NCAPD3: variants seen among roughly 807,000 people sequenced by gnomAD.
NCAPD3 encodes condensin-2 complex subunit D3.
Under a neutral mutation model 182.9 loss-of-function variants are expected in NCAPD3, and 105 were observed. That is an observed-to-expected ratio of 0.57 (90% CI 0.49 to 0.68). The LOEUF is 0.68. Ranked by LOEUF, NCAPD3 falls within the 30% of genes least tolerant of loss-of-function variation. The pLI, the probability that NCAPD3 is intolerant of heterozygous loss-of-function variation, is 0.00. For missense variants in NCAPD3, 1,944 were observed against 1,837.0 expected (o/e 1.06, Z -1.07); for synonymous variants, 815 against 679.9 (o/e 1.20, Z -3.09).
At chr11:134,222,404 C>CA (rs1176960777) in intron 1 of NCAPD3, among the ~76,000 whole-genome samples, 2 of 151,972 alleles carry the variant, frequency 1.3e-5, no homozygotes, top group East Asian at 1.9e-4. Context: ...CTTAGGATAC[C>CA]AAAAAAAGCA....
chr11:134,188,591 C>G (rs1422907608), intron 16 of NCAPD3, among the ~76,000 whole-genome samples: 1 of 152,072 alleles, frequency 6.6e-6, no homozygotes, highest in Non-Finnish European at 1.5e-5. Flanking sequence ...CCAGGAGGAA[C>G]AAACAACTCC....
At chr11:134,223,363 A>C (rs75634068) in intron 1 of NCAPD3, 35,531 of 694,696 alleles carry the variant, frequency 0.051, 1,142 homozygotes, top group Non-Finnish European at 0.061. Context: ...TGAAAGGGGA[A>C]GCAGAAATGC....
At chr11:134,178,017 TTAA>T (rs1249584395) in intron 22 of NCAPD3, 1 of 152,100 alleles carries the variant, frequency 6.6e-6, no homozygotes, top group Non-Finnish European at 1.5e-5. Context: ...TACAAAAAAA[TTAA>T]TAACTTAGGT....
At chr11:134,162,421 A>G (rs1464875795) in intron 27 of NCAPD3, among the ~76,000 whole-genome samples, 1 of 152,178 alleles carries the variant, frequency 6.6e-6, no homozygotes, top group Non-Finnish European at 1.5e-5. Flanking sequence ...ATAGTACCTG[A>G]TTTGACCAAG....
At chr11:134,165,493 G>C (rs1943750045) in intron 27 of NCAPD3, among the ~76,000 whole-genome samples, 1 of 141,782 alleles carries the variant, frequency 7.1e-6, no homozygotes, top group South Asian at 2.4e-4. Context: ...TGGCACACTT[G>C]TGAGATGAGC....
chr11:134,201,212 C>T (rs1011287472), intron 13 of NCAPD3, among the ~76,000 whole-genome samples: 3 of 151,738 alleles, frequency 2.0e-5, no homozygotes, highest in Non-Finnish European at 4.4e-5. Flanking sequence ...TTAGTAGAGA[C>T]GGGGTTTCAC....
At chr11:134,225,333 A>T (rs1181328153), upstream of NCAPD3, 3 of 1,612,778 alleles carry the variant, frequency 1.9e-6, no homozygotes. Context: ...GATCGAGTTC[A>T]TCGGGCAGAT....
intron 28 of NCAPD3, among the ~76,000 whole-genome samples, chr11:134,160,351 C>G (rs1274886753): frequency 1.3e-5 from 2 of 152,126 alleles, no homozygotes; most frequent in African/African-American, 4.8e-5. Flanking sequence ...ACTGGCCACA[C>G]AAGCAGAAAA....
chr11:134,220,579 G>C lies in NCAPD3; in HGVS notation c.212C>G (p.Ser71Cys), dbSNP rs760924461. The C allele has an allele frequency of 1.2e-6, 2 of 1,612,124 alleles. No individual in the cohort carries two copies. The highest frequency in any genetic ancestry group is 1.1e-5 in the South Asian group (1 of 90,882). The change falls in exon 2 of 35, where the codon TCT becomes TGT. Residue 71 changes from serine to cysteine, a missense_variant. Coordinates refer to ENST00000534548, the MANE Select transcript of NCAPD3 (RefSeq NM_015261.3). ...LLPFATGEHGSMESIWTFFIE... is the reference protein window; with the variant it reads ...LLPFATGEHGCMESIWTFFIE... ...TTGTTTTTATATTTTTACCTCCATA[G>C]ATCCATGTTCTCCAGTAGCAAAGGG...
intron 32 of NCAPD3, among the ~76,000 whole-genome samples, chr11:134,156,450 G>A (rs1312793542): frequency 6.6e-6 from 1 of 152,174 alleles, no homozygotes; most frequent in African/African-American, 2.4e-5. Context: ...GACACAATAT[G>A]AAGCTATCAC....
Position 134,220,597 on chromosome 11 carries a change from G to T in NCAPD3, c.194C>A (p.Ala65Asp), listed in dbSNP as rs529148447. ...CTCCATAGATCCATGTTCTCCAGTA[G>T]CAAAGGGTAAAAGGCTTTCATAGAG... Reference protein sequence around the residue: ...TKLYESLLPFATGEHGSMESI... With the variant: ...TKLYESLLPFDTGEHGSMESI... Residue 65 changes from alanine (A) to aspartate (D), a missense_variant, in exon 2 of 35, where the codon GCT (alanine) becomes GAT (aspartate). Physicochemically the swap from Ala to Asp is moderately radical, Grantham distance 126. This residue lies in a region of NCAPD3 where 131 missense variants were observed against 133.9 expected (regional missense o/e 0.98). Coordinates refer to ENST00000534548, the MANE Select transcript of NCAPD3 (RefSeq NM_015261.3). 6.2e-7 allele frequency: 1 copy of T among 1,613,702 alleles called. No individual in the cohort carries two copies. Among genetic ancestry groups the T allele is most frequent in the Non-Finnish European group, 8.5e-7 (1 of 1,179,694 alleles).
At chr11:134,153,444 G>T (rs1279385133) in intron 32 of NCAPD3, 81 bp from the exon 33 acceptor site, 3 of 1,411,348 alleles carry the variant, frequency 2.1e-6, no homozygotes, top group Non-Finnish European at 2.0e-6. Flanking sequence ...TGGGACGTAG[G>T]CAGGGTGTCC....
At chr11:134,219,318 T>A (rs1203108292) in intron 2 of NCAPD3, among the ~76,000 whole-genome samples, 1 of 152,130 alleles carries the variant, frequency 6.6e-6, no homozygotes, top group African/African-American at 2.4e-5. Flanking sequence ...TTTTTCACAG[T>A]GTGGTTCGTA....
intron 1 of NCAPD3, among the ~76,000 whole-genome samples, chr11:134,221,230 C>T (rs1320714876): frequency 6.6e-6 from 1 of 152,140 alleles, no homozygotes; most frequent in African/African-American, 2.4e-5. Flanking sequence ...GATTCAGACT[C>T]CCAGGAATAC....
rs753968415 is a variant in NCAPD3 at position 134,168,029 on chromosome 11, GACT to G, written c.3537_3539del (p.Val1180del). Reference sequence around the variant, plus strand: ...TGAGCTTCTTCTGAGCTTCCTGCATGACTACATTTGCCAAGGCCATGTCATCTT... The same window carrying G: ...TGAGCTTCTTCTGAGCTTCCTGCATGACATTTGCCAAGGCCATGTCATCTT... On this transcript the variant is annotated inframe_deletion, in exon 27 of 35. Transcript: ENST00000534548. 126 of 1,613,986 alleles carry G rather than the reference GACT, an allele frequency of 7.8e-5. No individual in the cohort carries two copies. Among genetic ancestry groups the G allele is most frequent in the Admixed American group, 2.0e-4 (12 of 59,998 alleles).
chr11:134,156,338 G>C (rs1286392004), intron 32 of NCAPD3, among the ~76,000 whole-genome samples: 23 of 152,154 alleles, frequency 1.5e-4, no homozygotes, highest in Admixed American at 1.5e-3. Context: ...GGGCACACAG[G>C]GACACGGCGG....
intron 8 of NCAPD3, among the ~76,000 whole-genome samples, chr11:134,205,662 C>G (rs1317300427): frequency 1.3e-5 from 2 of 152,202 alleles, no homozygotes; most frequent in African/African-American, 4.8e-5. Flanking sequence ...CAGGCATGTG[C>G]CACCGCGCCC....
chr11:134,210,095 A>C (rs1225054000), intron 4 of NCAPD3, among the ~76,000 whole-genome samples, 175 bp downstream of exon 4: 2 of 152,224 alleles, frequency 1.3e-5, no homozygotes, highest in African/African-American at 4.8e-5. Flanking sequence ...AAAGTAAGAA[A>C]GAAAGAAAAA....
At chr11:134,167,203 GA>G (rs1369049665) in intron 27 of NCAPD3, among the ~76,000 whole-genome samples, 7 of 132,238 alleles carry the variant, frequency 5.3e-5, no homozygotes, top group South Asian at 2.6e-4. Flanking sequence ...TGAGCTTAGG[GA>G]GAGCAGCACA....
Sources: allele counts gnomAD v4.1 joint callset (sites outside exome capture counted in the v4.1 genomes callset), GRCh38; gene constraint gnomAD v4.1.1; regional missense constraint gnomAD v4.1.1; transcripts MANE v1.5; gene names NCBI Gene and HGNC (gene_info 2026-07-23, HGNC 2026-07-21).